The following CCDC141 variants were observed in gnomAD, a reference collection of about 807,000 sequenced individuals.
The protein encoded by CCDC141 is coiled-coil domain containing 141, also known as coiled-coil domain-containing protein 141.
A neutral mutation model predicts 181.0 loss-of-function variants in CCDC141; 168 were observed. That is an observed-to-expected ratio of 0.93 (90% CI 0.82 to 1.05). The LOEUF (loss-of-function observed/expected upper bound fraction) is 1.05, where lower values mean the gene tolerates loss of function less well. CCDC141 is among the 50% of genes least tolerant of loss of function. The pLI, the probability that CCDC141 is intolerant of heterozygous loss-of-function variation, is 0.00. For missense variants in CCDC141, 1,902 were observed against 1,788.5 expected, an observed-to-expected ratio of 1.06 and a Z score of -1.14; for synonymous variants, 666 against 642.3, an observed-to-expected ratio of 1.04 and a Z score of -0.56.
chr2:179,044,873 T>C (rs948918180), intron 2 of CCDC141, among the ~76,000 whole-genome samples: 10 of 152,212 alleles, frequency 6.6e-5, no homozygotes, highest in Non-Finnish European at 1.2e-4. Flanking sequence ...GACCTTGAGT[T>C]ATTAGCCAAA....
At chr2:178,969,323 G>A (rs774870354) in intron 4 of CCDC141, among the ~76,000 whole-genome samples, 1 of 151,910 alleles carries the variant, frequency 6.6e-6, no homozygotes, top group Non-Finnish European at 1.5e-5. Context: ...TTCTTTTAGA[G>A]CCCACAAATG....
intron 17 of CCDC141, among the ~76,000 whole-genome samples, chr2:178,865,454 G>A (rs538950452): frequency 5.6e-4 from 86 of 152,284 alleles, no homozygotes; most frequent in African/African-American, 2.0e-3. Flanking sequence ...ATACAGGTTT[G>A]AGGGAGAAGG....
At chr2:178,878,407 T>C (rs191871730) in intron 11 of CCDC141, among the ~76,000 whole-genome samples, 2 of 150,774 alleles carry the variant, frequency 1.3e-5, no homozygotes, top group Admixed American at 6.6e-5. Context: ...CAAGCAATCC[T>C]CTCTCCTCAT....
chr2:178,915,377 TA>T (rs1029511568), intron 7 of CCDC141, among the ~76,000 whole-genome samples: 7 of 152,220 alleles, frequency 4.6e-5, no homozygotes, highest in Non-Finnish European at 1.0e-4. Flanking sequence ...AAAGTATATT[TA>T]AAAAATCATA....
At chr2:178,912,153 A>G (rs1688245078) in intron 7 of CCDC141, among the ~76,000 whole-genome samples, 1 of 152,200 alleles carries the variant, frequency 6.6e-6, no homozygotes, top group Non-Finnish European at 1.5e-5. Flanking sequence ...AGTGAAAAGG[A>G]CATGTTTCTT....
At position 179,023,603 on chromosome 2, in the gene CCDC141, T is replaced by C. The variant is rs113884894; in HGVS notation, c.225+23681A>G. On this transcript the variant is annotated intron_variant, in intron 2 of 23. Transcript: ENST00000443758. ...TTATGTTTATACATATATCACAACTTGGGCTCTAAATTTCTTACAACTAAT... is the reference window on the plus strand; with the variant it reads ...TTATGTTTATACATATATCACAACTCGGGCTCTAAATTTCTTACAACTAAT... Among the ~76,000 whole-genome samples, 11 of 152,332 alleles carry C rather than the reference T, an allele frequency of 7.2e-5. 1 individual carries two copies. Among genetic ancestry groups the C allele is most frequent in the African/African-American group, 2.6e-4 (11 of 41,580 alleles).
At chr2:179,017,115 T>C (rs1259209533) in intron 2 of CCDC141, among the ~76,000 whole-genome samples, 1 of 152,170 alleles carries the variant, frequency 6.6e-6, no homozygotes, top group African/African-American at 2.4e-5. Context: ...AATTTTCTAC[T>C]TTATCCAGAT....
intron 2 of CCDC141, among the ~76,000 whole-genome samples, chr2:179,042,802 AAAAG>A (rs1400533253): frequency 2.6e-5 from 4 of 152,204 alleles, no homozygotes; most frequent in African/African-American, 9.6e-5. Flanking sequence ...CATCACAACT[AAAAG>A]AAAGAATCAA....
At chr2:178,920,660 G>T (rs945217990) in intron 6 of CCDC141, among the ~76,000 whole-genome samples, 3 of 151,152 alleles carry the variant, frequency 2.0e-5, no homozygotes, top group East Asian at 3.9e-4. Flanking sequence ...GGAAGTTGAG[G>T]CTGCAGTGAA....
At chr2:178,999,327 C>T (rs1304794935) in intron 2 of CCDC141, among the ~76,000 whole-genome samples, 1 of 152,158 alleles carries the variant, frequency 6.6e-6, no homozygotes, top group African/African-American at 2.4e-5. Context: ...ACTGAGTCAA[C>T]TCCTACATAT....
At chr2:178,938,628 G>A (rs1405905002) in intron 6 of CCDC141, among the ~76,000 whole-genome samples, 1 of 152,110 alleles carries the variant, frequency 6.6e-6, no homozygotes, top group African/African-American at 2.4e-5. Context: ...CCAATGTTGA[G>A]TTCAGATATT....
chr2:178,933,743 A>G (rs766812123), intron 6 of CCDC141, among the ~76,000 whole-genome samples: 2 of 152,164 alleles, frequency 1.3e-5, no homozygotes. Context: ...TTCATTGCCC[A>G]TCTGGTCTCA....
intron 2 of CCDC141, among the ~76,000 whole-genome samples, chr2:178,982,179 C>G (rs1691446510): frequency 6.6e-6 from 1 of 152,012 alleles, no homozygotes; most frequent in Admixed American, 6.5e-5. Context: ...AAGCAGTAAG[C>G]CCAGGTGACT....
Position 178,944,587 on chromosome 2 carries a change from G to A in CCDC141, c.845C>T (p.Ser282Leu). The change falls in exon 6 of 24, where the codon TCA becomes TTA. Residue 282 changes from serine (S) to leucine (L), a missense_variant. Coordinates refer to ENST00000443758, the MANE Select transcript of CCDC141 (RefSeq NM_173648.4). ...LQEQSLGSSL[S>L]DNEDRIHKQE... Reference sequence around the variant, plus strand: ...CTTATGAATTCGATCCTCATTGTCTGAAAGTGATGAACCTAGACTTTGTTC... The same window carrying A: ...CTTATGAATTCGATCCTCATTGTCTAAAAGTGATGAACCTAGACTTTGTTC... 6.5e-7 allele frequency: 1 copy of A among 1,540,814 alleles called. No individual in the cohort carries two copies. The highest frequency in any genetic ancestry group is 8.8e-7 in the Non-Finnish European group (1 of 1,142,156).
intron 2 of CCDC141, among the ~76,000 whole-genome samples, chr2:179,014,014 C>G (rs189447370): frequency 2.2e-3 from 320 of 147,864 alleles, no homozygotes; most frequent in Admixed American, 4.1e-3. Flanking sequence ...ATCACACTAC[C>G]TCATTTCAAA....
At chr2:178,938,487 T>C (rs1393889667) in intron 6 of CCDC141, among the ~76,000 whole-genome samples, 1 of 152,130 alleles carries the variant, frequency 6.6e-6, no homozygotes, top group Non-Finnish European at 1.5e-5. Flanking sequence ...TTCTTTTCCA[T>C]TTGCTGAGGA....
chr2:178,965,337 A>T (rs1690576492), intron 4 of CCDC141, among the ~76,000 whole-genome samples: 1 of 152,242 alleles, frequency 6.6e-6, no homozygotes, highest in African/African-American at 2.4e-5. Context: ...TGCTGGCAAG[A>T]TAGCTGAATA....
At chr2:178,815,417 T>C in the CCDC141 span, among the ~76,000 whole-genome samples, 16 of 152,270 alleles carry the variant, frequency 1.1e-4, no homozygotes, top group Admixed American at 9.8e-4. Context: ...TGTGTACTCT[T>C]CCATTTAAAA....
chr2:178,837,657 CCTT>C lies in CCDC141; in HGVS notation c.3559_3561del (p.Lys1187del), dbSNP rs746669111. 30 of 1,614,118 alleles carry C rather than the reference CCTT, an allele frequency of 1.9e-5. No individual in the cohort carries two copies. The East Asian group carries it at 6.5e-4, about 35-fold the overall frequency. On this transcript the variant is annotated inframe_deletion, in exon 23 of 24. Coordinates refer to ENST00000443758, the MANE Select transcript of CCDC141 (RefSeq NM_173648.4). ...AGGAGCAGGTCCTGGACGCCACCCT[CCTT>C]GTCAGTGGACACCTTCAGGTCTTGT...
Sources: allele counts gnomAD v4.1 joint callset (sites outside exome capture counted in the v4.1 genomes callset), GRCh38; gene constraint gnomAD v4.1.1; transcripts MANE v1.5; gene names NCBI Gene and HGNC (gene_info 2026-07-23, HGNC 2026-07-21).